Variants in IMMP2L observed in about 807,000 individuals in gnomAD.
IMMP2L encodes the protein mitochondrial inner membrane protease subunit 2.
In IMMP2L, 18 loss-of-function variants were observed where a neutral mutation model predicts 19.3. The observed-to-expected ratio is 0.93, with a 90% confidence interval of 0.64 to 1.38. The LOEUF is 1.38. IMMP2L is among the 40% of genes most tolerant of loss of function. The pLI is 0.00. For missense variants in IMMP2L, 233 were observed against 218.2 expected (o/e 1.07, Z -0.43); for synonymous variants, 76 against 73.0 (o/e 1.04, Z -0.21).
At position 111,520,995 on chromosome 7, in the gene IMMP2L, G is replaced by T. The variant is rs148734147; in HGVS notation, c.135+318C>A. Among the ~76,000 whole-genome samples the T allele has an allele frequency of 2.4e-3, 367 of 152,132 alleles. 3 individuals are homozygous for T. The highest frequency in any genetic ancestry group is 8.4e-3 in the African/African-American group (349 of 41,528). ...TACACTAATAATTTGGCATTAAAAG[G>T]ATATTCTAATAGAGCCATATTCACA... On this transcript the variant is annotated intron_variant, in intron 2 of 5. Coordinates refer to ENST00000405709, the MANE Select transcript of IMMP2L (RefSeq NM_032549.4).
intron 3 of IMMP2L, among the ~76,000 whole-genome samples, chr7:111,187,099 G>A (rs529462319): frequency 6.6e-6 from 1 of 152,196 alleles, no homozygotes; most frequent in Admixed American, 6.5e-5. Flanking sequence ...TAAAATCAAA[G>A]TAAGTATTAA....
intron 3 of IMMP2L, among the ~76,000 whole-genome samples, chr7:111,022,343 C>T (rs1300041193): frequency 3.3e-5 from 5 of 152,098 alleles, no homozygotes; most frequent in African/African-American, 9.7e-5. Flanking sequence ...AACGAAGTGC[C>T]CCCATCAATC....
chr7:111,017,313 C>T (rs1207632815), intron 3 of IMMP2L, among the ~76,000 whole-genome samples: 1 of 151,940 alleles, frequency 6.6e-6, no homozygotes, highest in East Asian at 1.9e-4. Context: ...ATCCTCTTGC[C>T]TGGGCCTCCC....
intron 3 of IMMP2L, among the ~76,000 whole-genome samples, chr7:111,221,530 A>G (rs566456045): frequency 8.5e-5 from 13 of 152,064 alleles, no homozygotes; most frequent in Admixed American, 2.0e-4. Flanking sequence ...AGAGAGAGAT[A>G]ACGTGAGCCT....
At position 111,134,349 on chromosome 7, in the gene IMMP2L, TAAAG is replaced by T. The variant is rs891738168; in HGVS notation, c.240-170788_240-170785del. Among the ~76,000 whole-genome samples, 9 of 152,116 alleles carry T rather than the reference TAAAG, an allele frequency of 5.9e-5. No individual in the cohort carries two copies. The South Asian group carries it at 8.3e-4, about 14-fold the overall frequency. ...CAATTGGAACGTTGAACTCAAAACT[TAAAG>T]AAAGAGTATTTGTAGATGTACTGAT... On this transcript the variant is annotated intron_variant, in intron 3 of 5. Transcript: ENST00000405709.
At chr7:110,971,454 A>G (rs2129556636) in intron 3 of IMMP2L, among the ~76,000 whole-genome samples, 1 of 152,200 alleles carries the variant, frequency 6.6e-6, no homozygotes, top group South Asian at 2.1e-4. Context: ...ACAACTGAGA[A>G]TCAGACAGGC....
chr7:110,739,749 G>A (rs1796877067), intron 5 of IMMP2L, among the ~76,000 whole-genome samples: 1 of 152,014 alleles, frequency 6.6e-6, no homozygotes, highest in South Asian at 2.1e-4. Context: ...CCCAACAACT[G>A]CAGAATATAC....
intron 3 of IMMP2L, among the ~76,000 whole-genome samples, chr7:111,018,404 G>A (rs1283850623): frequency 6.6e-6 from 1 of 152,162 alleles, no homozygotes; most frequent in African/African-American, 2.4e-5. Flanking sequence ...GCATGAAATG[G>A]TGGATGAAAA....
At chr7:111,044,898 T>A (rs2129571625) in intron 3 of IMMP2L, among the ~76,000 whole-genome samples, 1 of 152,360 alleles carries the variant, frequency 6.6e-6, no homozygotes, top group Non-Finnish European at 1.5e-5. Flanking sequence ...TATTTATGTT[T>A]ATTTATAATT....
intron 3 of IMMP2L, among the ~76,000 whole-genome samples, chr7:111,361,606 G>T (rs191764881): frequency 1.2e-4 from 19 of 152,040 alleles, no homozygotes; most frequent in African/African-American, 4.6e-4. Flanking sequence ...CTTGTTCAAG[G>T]GACTATGTTG....
intron 1 of IMMP2L, among the ~76,000 whole-genome samples, chr7:111,557,288 A>G (rs1170837838): frequency 1.3e-5 from 2 of 152,096 alleles, no homozygotes; most frequent in African/African-American, 4.8e-5. Context: ...GACACTCACA[A>G]TTCTTCAGTG....
intron 3 of IMMP2L, among the ~76,000 whole-genome samples, chr7:111,106,974 T>C (rs1034055030): frequency 6.6e-6 from 1 of 151,954 alleles, no homozygotes. Context: ...AATCTACTTC[T>C]TTCTATATTA....
At chr7:111,405,482 A>ACACATAAAT (rs1213924858) in intron 3 of IMMP2L, among the ~76,000 whole-genome samples, 1 of 152,194 alleles carries the variant, frequency 6.6e-6, no homozygotes, top group Non-Finnish European at 1.5e-5. Flanking sequence ...ATATTGTAAT[A>ACACATAAAT]CACATAAATT....
At chr7:111,419,137 C>G (rs1264231440) in intron 3 of IMMP2L, among the ~76,000 whole-genome samples, 1 of 151,718 alleles carries the variant, frequency 6.6e-6, no homozygotes, top group East Asian at 1.9e-4. Context: ...TTACTTGCTG[C>G]TGCCTCCTAC....
intron 5 of IMMP2L, among the ~76,000 whole-genome samples, chr7:110,822,606 T>C (rs912145964): frequency 1.3e-5 from 2 of 152,140 alleles, no homozygotes; most frequent in African/African-American, 2.4e-5. Flanking sequence ...TTTCATATTA[T>C]AGTTTAAGGG....
intron 3 of IMMP2L, among the ~76,000 whole-genome samples, chr7:111,251,534 A>T (rs1006224978): frequency 6.6e-6 from 1 of 152,222 alleles, no homozygotes; most frequent in African/African-American, 2.4e-5. Context: ...TGGATAAAGA[A>T]AATGTGGTAC....
intron 3 of IMMP2L, among the ~76,000 whole-genome samples, chr7:111,062,589 G>A (rs144084052): frequency 6.6e-6 from 1 of 152,128 alleles, no homozygotes; most frequent in Non-Finnish European, 1.5e-5. Context: ...TCTCATCTGA[G>A]ACAAGGCAAG....
At chr7:111,424,796 A>G (rs373313802) in intron 3 of IMMP2L, among the ~76,000 whole-genome samples, 1 of 151,868 alleles carries the variant, frequency 6.6e-6, no homozygotes, top group Admixed American at 6.6e-5. Context: ...CATTTGAAAC[A>G]ATCACCATAT....
chr7:110,930,430 G>C (rs544951249), intron 4 of IMMP2L, among the ~76,000 whole-genome samples: 1 of 152,166 alleles, frequency 6.6e-6, no homozygotes, highest in East Asian at 1.9e-4. Flanking sequence ...ATAGGAAGGA[G>C]GAAAAGGAGG....
Sources: allele counts gnomAD v4.1 joint callset (sites outside exome capture counted in the v4.1 genomes callset), GRCh38; gene constraint gnomAD v4.1.1; transcripts MANE v1.5; gene names NCBI Gene and HGNC (gene_info 2026-07-23, HGNC 2026-07-21).